Variants in PIEZO2 observed in about 807,000 individuals in gnomAD.
PIEZO2 encodes the protein piezo type mechanosensitive ion channel component 2.
A neutral mutation model predicts 337.3 loss-of-function variants in PIEZO2; 172 were observed. The ratio of observed to expected loss-of-function variants is 0.51; its 90% CI spans 0.45 to 0.58. PIEZO2 has a LOEUF of 0.58. Among genes scored for constraint, PIEZO2 ranks in the 20% least tolerant of loss-of-function variants. The pLI is 0.00. For missense variants in PIEZO2, 3,028 were observed against 3,391.3 expected (o/e 0.89, Z 2.66); for synonymous variants, 1,251 against 1,228.5 (o/e 1.02, Z -0.38).
intron 2 of PIEZO2, among the ~76,000 whole-genome samples, chr18:11,000,604 A>G (rs769796031): frequency 6.6e-6 from 1 of 152,124 alleles, no homozygotes; most frequent in Non-Finnish European, 1.5e-5. Context: ...CATTGCTTCT[A>G]CAGCACAGTC....
chr18:10,772,030 G>A (rs2038620161), intron 20 of PIEZO2, among the ~76,000 whole-genome samples: 1 of 152,156 alleles, frequency 6.6e-6, no homozygotes, highest in Admixed American at 6.5e-5. Context: ...TCCTTTAAGT[G>A]AATGGTTAAC....
At chr18:11,136,269 C>G (rs968183240) in intron 1 of PIEZO2, among the ~76,000 whole-genome samples, 7 of 152,186 alleles carry the variant, frequency 4.6e-5, no homozygotes, top group African/African-American at 1.4e-4. Context: ...TGCTTTGCAG[C>G]AAAACTGATC....
In PIEZO2 at chr18:10,689,718, C is replaced by T; in HGVS notation, c.7434G>A (p.Trp2478Ter). The T allele has an allele frequency of 6.2e-7, 1 of 1,614,258 alleles. No homozygotes were observed. The highest frequency in any genetic ancestry group is 8.5e-7 in the Non-Finnish European group (1 of 1,180,036). ...WTDTTLSLSS[W>*]ICVEDIYAHI... is the part of the protein sequence containing the mutation. ...GAGCATAGATGTCCTCCACACAGAT[C>T]CAGCTGGACAGGCTCAAAGTTGTGT... Residue 2478 changes from tryptophan to a stop codon, truncating the protein, a stop_gained, in exon 49 of 56, where the codon TGG becomes TGA. Coordinates refer to ENST00000674853, the MANE Select transcript of PIEZO2 (RefSeq NM_001378183.1). LOFTEE classifies it high-confidence loss of function.
rs2036428941 is a variant in PIEZO2, at chr18:10,724,050, C to T, written c.5030-5791G>A. 6.6e-6 allele frequency among the ~76,000 whole-genome samples: 1 copy of T among 152,306 alleles called. No homozygotes were observed. The highest frequency in any genetic ancestry group is 2.1e-4 in the South Asian group (1 of 4,824). ...GAGGCCTTCTCACCTACCTAATCAG[C>T]CCAGGCAGCTGTGGCTGCACTGTAC... On this transcript the variant is annotated intron_variant, in intron 36 of 55. Transcript: ENST00000674853. The surrounding 1 kb of genome is among the most constrained non-coding windows in gnomAD (Gnocchi z 5.8).
Position 10,767,726 on chromosome 18 carries a change from GCA to G in PIEZO2, c.2946+2420_2946+2421del, listed in dbSNP as rs1483363647. 6.6e-6 allele frequency among the ~76,000 whole-genome samples: 1 copy of G among 152,120 alleles called. No homozygotes were observed. Among genetic ancestry groups the G allele is most frequent in the Admixed American group, 6.5e-5 (1 of 15,276 alleles). Reference sequence around the variant, plus strand: ...GGTGGCCCCTGGTCCTGATGGGGAGGCACAGAGCACCCAGAGCTGCTCCAAGG... The same window carrying G: ...GGTGGCCCCTGGTCCTGATGGGGAGGCAGAGCACCCAGAGCTGCTCCAAGG... On this transcript the variant is annotated intron_variant, in intron 21 of 55. Coordinates refer to ENST00000674853, the MANE Select transcript of PIEZO2 (RefSeq NM_001378183.1). This position sits in a 1 kb window ranked among gnomAD's most constrained non-coding sequence, Gnocchi z 4.2.
At chr18:10,802,127 T>C (rs887024088) in intron 9 of PIEZO2, among the ~76,000 whole-genome samples, 1 of 148,590 alleles carries the variant, frequency 6.7e-6, no homozygotes, top group Non-Finnish European at 1.5e-5. Context: ...AAAAGAAAAA[T>C]TGATTTGTAA....
At chr18:11,005,440 A>T (rs2035684132) in intron 2 of PIEZO2, among the ~76,000 whole-genome samples, 1 of 152,232 alleles carries the variant, frequency 6.6e-6, no homozygotes, top group Non-Finnish European at 1.5e-5. Context: ...ATCAGGCATG[A>T]ACAGTTACAG....
At chr18:11,074,491 T>TC (rs2038461212) in intron 1 of PIEZO2, among the ~76,000 whole-genome samples, 1 of 152,170 alleles carries the variant, frequency 6.6e-6, no homozygotes, top group Non-Finnish European at 1.5e-5. Context: ...AAAAGACCTT[T>TC]CCAGGCCTGA....
At chr18:10,733,752 C>A (rs1453470504) in intron 35 of PIEZO2, among the ~76,000 whole-genome samples, 1 of 152,158 alleles carries the variant, frequency 6.6e-6, no homozygotes, top group Non-Finnish European at 1.5e-5. Flanking sequence ...CCAGCCAGAA[C>A]TTCCCAATTC....
rs1275739458 is a variant in PIEZO2 at position 10,973,993 on chromosome 18, C to T, written c.286+5542G>A. Among the ~76,000 whole-genome samples the T allele has an allele frequency of 6.6e-6, 1 of 152,170 alleles. No homozygotes were observed. The highest frequency in any genetic ancestry group is 2.4e-5 in the African/African-American group (1 of 41,440). On this transcript the variant is annotated intron_variant, in intron 3 of 55. Coordinates refer to ENST00000674853, the MANE Select transcript of PIEZO2 (RefSeq NM_001378183.1). This position sits in a 1 kb window ranked among gnomAD's most constrained non-coding sequence, Gnocchi z 4.9. ...ATTCTGCAGATCTAGGGTCCATCTC[C>T]AATTAGCACAACTAACGAAGCATGG...
At chr18:10,717,823 C>T (rs566598009) in intron 37 of PIEZO2, among the ~76,000 whole-genome samples, 11 of 152,340 alleles carry the variant, frequency 7.2e-5, no homozygotes, top group African/African-American at 2.6e-4. Context: ...TCCTACTTCT[C>T]TCTCATTTAC....
intron 7 of PIEZO2, among the ~76,000 whole-genome samples, chr18:10,820,826 G>C (rs2040500190): frequency 6.6e-6 from 1 of 152,160 alleles, no homozygotes. Context: ...AGGTTTTGTT[G>C]TGATGGGCCT....
intron 36 of PIEZO2, among the ~76,000 whole-genome samples, chr18:10,730,831 G>T (rs529927477): frequency 6.6e-5 from 10 of 151,922 alleles, no homozygotes; most frequent in African/African-American, 9.7e-5. Context: ...GGTTCACGCC[G>T]TTCTCCTGCC....
chr18:10,879,391 C>CTTTTTTT (rs11385433), intron 4 of PIEZO2, among the ~76,000 whole-genome samples: 11 of 106,036 alleles, frequency 1.0e-4, no homozygotes, highest in Non-Finnish European at 1.4e-4. Flanking sequence ...CCTTTCCAAT[C>CTTTTTTT]TTTTTTTTTT....
intron 2 of PIEZO2, among the ~76,000 whole-genome samples, chr18:11,058,008 A>G (rs770379773): frequency 1.3e-5 from 2 of 152,208 alleles, no homozygotes; most frequent in Non-Finnish European, 2.9e-5. Flanking sequence ...TGAGAGCAAA[A>G]CAGTGGATAG....
At chr18:10,684,006 TC>T (rs1485261337) in intron 49 of PIEZO2, among the ~76,000 whole-genome samples, 7 of 151,878 alleles carry the variant, frequency 4.6e-5, no homozygotes, top group Admixed American at 4.6e-4. Flanking sequence ...CAGCCAATTT[TC>T]CCCTCCTCTC....
intron 7 of PIEZO2, among the ~76,000 whole-genome samples, chr18:10,840,724 A>T (rs1436559051): frequency 6.6e-6 from 1 of 152,220 alleles, no homozygotes; most frequent in African/African-American, 2.4e-5. Context: ...GGCATTCTAC[A>T]TAAATGAATT....
At chr18:10,912,995 C>A (rs2030615877) in intron 3 of PIEZO2, among the ~76,000 whole-genome samples, 1 of 151,832 alleles carries the variant, frequency 6.6e-6, no homozygotes, top group African/African-American at 2.4e-5. Flanking sequence ...TTGAGCTAAC[C>A]AGCCCAGGAA....
intron 21 of PIEZO2, 60 bp from the exon 22 acceptor site, chr18:10,763,158 C>G: frequency 6.8e-7 from 1 of 1,478,890 alleles, no homozygotes; most frequent in Admixed American, 2.0e-5. Context: ...ACAAACAGGA[C>G]AGCCACAAAA....
Sources: gnomAD v4.1 joint callset for allele counts (sites outside exome capture counted in the v4.1 genomes callset) on GRCh38, gnomAD v4.1.1 for gene constraint, Gnocchi (gnomAD v3.1) non-coding constraint, MANE v1.5 for transcripts, NCBI Gene and HGNC (gene_info 2026-07-23, HGNC 2026-07-21) for gene names.